Variants in GULP1 observed in about 807,000 individuals in gnomAD.
The protein encoded by GULP1 is PTB domain-containing engulfment adapter protein 1.
Under a neutral mutation model 40.9 loss-of-function variants are expected in GULP1, and 19 were observed. The ratio of observed to expected loss-of-function variants is 0.46; its 90% CI spans 0.32 to 0.68. The LOEUF is 0.68. GULP1 is among the 30% of genes least tolerant of loss of function. The probability of loss-of-function intolerance (pLI) is 0.03; values close to 1 mark genes in which losing one functional copy is unlikely to be tolerated. For synonymous variants in GULP1, 119 were observed against 117.6 expected (o/e 1.01, Z -0.08); for missense variants, 312 against 362.2 (o/e 0.86, Z 1.12).
intron 7 of GULP1, among the ~76,000 whole-genome samples, chr2:188,549,034 A>T (rs1418074457): frequency 6.6e-6 from 1 of 151,848 alleles, no homozygotes. Flanking sequence ...AATCTTCAGG[A>T]TGTAGGGCTA....
chr2:188,428,729 A>G (rs2056513996), intron 2 of GULP1, among the ~76,000 whole-genome samples: 1 of 152,120 alleles, frequency 6.6e-6, no homozygotes, highest in Non-Finnish European at 1.5e-5. Context: ...ACCATGAGCC[A>G]ATTTAACCTC....
At chr2:188,342,767 G>A (rs754945873) in intron 1 of GULP1, among the ~76,000 whole-genome samples, 15 of 152,082 alleles carry the variant, frequency 9.9e-5, no homozygotes, top group Non-Finnish European at 7.4e-5. Context: ...TCTCATTTTC[G>A]TTTTGCTACT....
chr2:188,457,011 G>A (rs780161200), intron 2 of GULP1, among the ~76,000 whole-genome samples: 5 of 152,090 alleles, frequency 3.3e-5, no homozygotes, highest in Admixed American at 6.6e-5. Flanking sequence ...CTTGGTTTTG[G>A]TCAGTTTCTC....
intron 1 of GULP1, chr2:188,297,542 G>A (rs780634773): frequency 1.5e-5 from 7 of 453,674 alleles, no homozygotes; most frequent in Admixed American, 8.2e-5. Context: ...CTTTGCCAGA[G>A]CTACAAAGGC....
At chr2:188,323,745 AT>A (rs1223787120) in intron 1 of GULP1, among the ~76,000 whole-genome samples, 26 of 143,064 alleles carry the variant, frequency 1.8e-4, no homozygotes, top group African/African-American at 3.9e-4. Context: ...CTGTTTTCCT[AT>A]TTTTTTTTTC....
At chr2:188,293,512 A>G (rs1281737999) in intron 1 of GULP1, among the ~76,000 whole-genome samples, 1 of 152,218 alleles carries the variant, frequency 6.6e-6, no homozygotes, top group Non-Finnish European at 1.5e-5. Flanking sequence ...AGATTATTAG[A>G]CAGAGTGAAT....
chr2:188,423,123 C>T (rs1195444514), intron 2 of GULP1, among the ~76,000 whole-genome samples: 1 of 152,028 alleles, frequency 6.6e-6, no homozygotes, highest in Non-Finnish European at 1.5e-5. Flanking sequence ...AATCAGGTTC[C>T]ACCAGCTAAG....
chr2:188,398,373 A>G (rs1242250007), intron 2 of GULP1, among the ~76,000 whole-genome samples: 1 of 152,226 alleles, frequency 6.6e-6, no homozygotes, highest in Non-Finnish European at 1.5e-5. Flanking sequence ...AAGAAATTGA[A>G]GAAAGTGATT....
At chr2:188,328,197 G>T (rs2041031625) in intron 1 of GULP1, among the ~76,000 whole-genome samples, 1 of 152,074 alleles carries the variant, frequency 6.6e-6, no homozygotes, top group South Asian at 2.1e-4. Flanking sequence ...ATGGCTATGA[G>T]GTTATATTTC....
intron 2 of GULP1, among the ~76,000 whole-genome samples, chr2:188,460,157 T>A (rs762334919): frequency 6.6e-6 from 1 of 152,132 alleles, no homozygotes; most frequent in South Asian, 2.1e-4. Context: ...AATTTTAGGA[T>A]AGTTGTTTTC....
chr2:188,505,489 A>G (rs531297638), intron 4 of GULP1, among the ~76,000 whole-genome samples: 15 of 152,006 alleles, frequency 9.9e-5, no homozygotes, highest in Middle Eastern at 3.4e-3. Flanking sequence ...TATACAGAAT[A>G]GAATGTACAT....
intron 4 of GULP1, among the ~76,000 whole-genome samples, chr2:188,491,858 G>A (rs2062423823): frequency 6.6e-6 from 1 of 152,044 alleles, no homozygotes; most frequent in Admixed American, 6.6e-5. Flanking sequence ...TGAACTACAG[G>A]AAACTTCATT....
chr2:188,314,370 C>T (rs570430067), intron 1 of GULP1, among the ~76,000 whole-genome samples: 124 of 152,106 alleles, frequency 8.2e-4, no homozygotes, highest in African/African-American at 2.8e-3. Flanking sequence ...AATTGTTATC[C>T]TGTAAAGTGA....
chr2:188,557,023 C>CAA (rs1193397388), intron 7 of GULP1, among the ~76,000 whole-genome samples: 2 of 126,466 alleles, frequency 1.6e-5, no homozygotes, highest in Non-Finnish European at 1.7e-5. Flanking sequence ...GACTCTGTCT[C>CAA]AAAAAAAAAA....
chr2:188,458,389 TTC>T (rs2059437559), intron 2 of GULP1, among the ~76,000 whole-genome samples: 1 of 152,112 alleles, frequency 6.6e-6, no homozygotes, highest in Non-Finnish European at 1.5e-5. Context: ...CCTACCTTAT[TTC>T]TCTGTTTCCA....
intron 2 of GULP1, among the ~76,000 whole-genome samples, chr2:188,460,640 A>G (rs554437953): frequency 6.6e-6 from 1 of 152,056 alleles, no homozygotes; most frequent in East Asian, 1.9e-4. Flanking sequence ...GCTGCCCTTT[A>G]TTTCTTTCTC....
chr2:188,328,825 T>C (rs1015303350), intron 1 of GULP1, among the ~76,000 whole-genome samples: 3 of 152,166 alleles, frequency 2.0e-5, no homozygotes, highest in Non-Finnish European at 4.4e-5. Flanking sequence ...ACTTGGTTTA[T>C]TCATGATGAA....
chr2:188,396,176 T>C (rs2051229975), intron 2 of GULP1, among the ~76,000 whole-genome samples: 1 of 152,340 alleles, frequency 6.6e-6, no homozygotes, highest in African/African-American at 2.4e-5. Flanking sequence ...CTTTTTATGC[T>C]ACCCAGGGGA....
chr2:188,334,698 T>C (rs1375646353), intron 1 of GULP1, among the ~76,000 whole-genome samples: 2 of 152,258 alleles, frequency 1.3e-5, no homozygotes, highest in African/African-American at 4.8e-5. Context: ...ATCCAAATTG[T>C]AAACAGATCT....
Sources: gnomAD v4.1 joint callset for allele counts (sites outside exome capture counted in the v4.1 genomes callset) on GRCh38, gnomAD v4.1.1 for gene constraint, MANE v1.5 for transcripts, NCBI Gene and HGNC (gene_info 2026-07-23, HGNC 2026-07-21) for gene names.